Variants in KMT2C observed in about 807,000 individuals in gnomAD.
KMT2C encodes the protein histone-lysine N-methyltransferase 2C.
In KMT2C, 88 loss-of-function variants were observed where a neutral mutation model predicts 507.9. That is an observed-to-expected ratio of 0.17 (90% CI 0.15 to 0.21). The LOEUF (loss-of-function observed/expected upper bound fraction) is 0.21, where lower values mean the gene tolerates loss of function less well. Ranked by LOEUF, KMT2C falls within the 10% of genes least tolerant of loss-of-function variation. KMT2C has a pLI of 1.00. For missense variants in KMT2C, 4,954 were observed against 5,957.8 expected, an observed-to-expected ratio of 0.83 and a Z score of 5.55; for synonymous variants, 2,049 against 2,080.8, an observed-to-expected ratio of 0.98 and a Z score of 0.42.
intron 6 of KMT2C, among the ~76,000 whole-genome samples, chr7:152,279,799 T>C (rs10275430): frequency 0.042 from 6,458 of 152,176 alleles, 458 homozygotes; most frequent in African/African-American, 0.15. Context: ...TCCTCCCTGC[T>C]GCCACAGTAA....
rs1253385546 is a variant in KMT2C at position 152,185,606 on chromosome 7, A to C, written c.5034T>G (p.Ile1678Met). 1 of 1,613,550 alleles carries C rather than the reference A, an allele frequency of 6.2e-7. No individual in the cohort carries two copies. The highest frequency in any genetic ancestry group is 2.2e-5 in the East Asian group (1 of 44,834). The change falls in exon 34 of 59, where the codon ATT (isoleucine) becomes ATG (methionine). Residue 1678 changes from isoleucine to methionine, a missense_variant. Around this residue, in one of 29 missense-constraint regions of KMT2C, gnomAD observed 24 missense variants for 52.9 expected, o/e 0.45. Coordinates refer to ENST00000262189, the MANE Select transcript of KMT2C (RefSeq NM_170606.3). ...FPDWTTRVKQ[I>M]AKLWRKASSQ... ...AGCTTGCTTTTCTCCACAATTTGGC[A>C]ATTTGCTTCACTCTAGTAGTCCAAT... is the stretch of plus-strand genomic sequence containing the variant.
chr7:152,220,256 G>A (rs1479065742), intron 23 of KMT2C: 6 of 446,114 alleles, frequency 1.3e-5, no homozygotes, highest in Non-Finnish European at 2.0e-5. Context: ...CAAGCCCTCT[G>A]TAGTTCCCCA....
At chr7:152,189,072 C>G (rs13245135) in intron 31 of KMT2C, among the ~76,000 whole-genome samples, 2 of 152,090 alleles carry the variant, frequency 1.3e-5, no homozygotes, top group Non-Finnish European at 2.9e-5. Context: ...AATTCTCATT[C>G]GAGCTTATTC....
chr7:152,258,523 T>C (rs1422607880), intron 9 of KMT2C, among the ~76,000 whole-genome samples: 4 of 151,716 alleles, frequency 2.6e-5, no homozygotes, highest in African/African-American at 9.7e-5. Flanking sequence ...GTTGTTGCTG[T>C]TGTTGTTGTT....
chr7:152,188,594 A>G (rs927345254), intron 31 of KMT2C, among the ~76,000 whole-genome samples: 14 of 138,416 alleles, frequency 1.0e-4, no homozygotes, highest in African/African-American at 3.8e-4. Flanking sequence ...AAAAAAATCT[A>G]TGATTCTTTC....
chr7:152,334,059 G>A (rs769513328), intron 2 of KMT2C, among the ~76,000 whole-genome samples: 2 of 151,860 alleles, frequency 1.3e-5, no homozygotes, highest in African/African-American at 2.4e-5. Context: ...TCACAGATGA[G>A]AGAAAATAAA....
chr7:152,287,027 C>T (rs2096311306), intron 6 of KMT2C, among the ~76,000 whole-genome samples: 1 of 152,194 alleles, frequency 6.6e-6, no homozygotes, highest in Non-Finnish European at 1.5e-5. Flanking sequence ...CATAGTCAGC[C>T]ATTCCCCACT....
At position 152,187,765 on chromosome 7, in the gene KMT2C, G is replaced by T. The variant is rs148583689; in HGVS notation, c.4743C>A (p.Ser1581Arg). 6.2e-7 allele frequency: 1 copy of T among 1,613,992 alleles called. No homozygotes were observed. ...CAATTGCAGAGAAAGTTCCCAGTCC[G>T]CTTCCAGGTGGCAAAGAATTATGTG... ...HLPHNSLPPGSGLGTFSAIAQ... is the reference protein window; with the variant it reads ...HLPHNSLPPGRGLGTFSAIAQ... The change falls in exon 32 of 59, where the codon AGC becomes AGA. Residue 1581 changes from serine to arginine, a missense_variant. By Grantham distance (110) the Ser-to-Arg change is moderately radical (BLOSUM62 -1). Around this residue, in one of 29 missense-constraint regions of KMT2C, gnomAD observed 195 missense variants for 183.7 expected, o/e 1.06. Coordinates refer to ENST00000262189, the MANE Select transcript of KMT2C (RefSeq NM_170606.3).
chr7:152,422,431 G>A (rs116734431), intron 1 of KMT2C, among the ~76,000 whole-genome samples: 1,795 of 151,948 alleles, frequency 0.012, 41 homozygotes, highest in African/African-American at 0.042. Flanking sequence ...CTCCAGCCAC[G>A]CGACAGAGCA....
At chr7:152,359,467 T>G (rs1205066666) in intron 1 of KMT2C, among the ~76,000 whole-genome samples, 1 of 152,120 alleles carries the variant, frequency 6.6e-6, no homozygotes, top group Non-Finnish European at 1.5e-5. Flanking sequence ...TCGCAGTATT[T>G]TAAACTCTTT....
chr7:152,389,745 C>T (rs1002039840), intron 1 of KMT2C, among the ~76,000 whole-genome samples: 3 of 151,952 alleles, frequency 2.0e-5, no homozygotes, highest in Non-Finnish European at 4.4e-5. Flanking sequence ...TCGGCCTACA[C>T]GAACTTTTTT....
At chr7:152,286,674 G>A (rs2096302481) in intron 6 of KMT2C, among the ~76,000 whole-genome samples, 1 of 152,084 alleles carries the variant, frequency 6.6e-6, no homozygotes, top group Admixed American at 6.5e-5. Context: ...AAAACCCTTA[G>A]CCGTGATACA....
At chr7:152,364,249 T>A (rs1178412712) in intron 1 of KMT2C, among the ~76,000 whole-genome samples, 1 of 152,062 alleles carries the variant, frequency 6.6e-6, no homozygotes, top group Non-Finnish European at 1.5e-5. Context: ...AACATGAATA[T>A]GAGAGAAACA....
In KMT2C at chr7:152,140,801, C is replaced by T. The variant is rs146018388; in HGVS notation, c.14344-1010G>A. 4.6e-5 allele frequency among the ~76,000 whole-genome samples: 7 copies of T among 152,304 alleles called. No homozygotes were observed. In the East Asian group the frequency reaches 1.3e-3, roughly 29 times the overall value. ...CATGTGAGAGACTTTAGTATGTGAA[C>T]TGATTTATCCTCTGAACAAGCATCT... On this transcript the variant is annotated intron_variant, in intron 55 of 58. Transcript: ENST00000262189.
chr7:152,394,215 TGA>T (rs1323015718), intron 1 of KMT2C, among the ~76,000 whole-genome samples: 2 of 152,326 alleles, frequency 1.3e-5, no homozygotes, highest in African/African-American at 4.8e-5. Flanking sequence ...GCAGCCAGCA[TGA>T]GAGTTTTAGA....
At chr7:152,202,135 G>A (rs1029677938) in intron 26 of KMT2C, among the ~76,000 whole-genome samples, 1 of 152,174 alleles carries the variant, frequency 6.6e-6, no homozygotes, top group Non-Finnish European at 1.5e-5. Flanking sequence ...AGTTTCTTAG[G>A]AGGAACAGAT....
At chr7:152,267,126 G>A (rs1395211482) in intron 7 of KMT2C, among the ~76,000 whole-genome samples, 1 of 152,214 alleles carries the variant, frequency 6.6e-6, no homozygotes, top group Non-Finnish European at 1.5e-5. Context: ...AAATGCTGGA[G>A]TTTCTTAGGA....
rs2129117963 is a variant in KMT2C, at chr7:152,179,881, G to C, written c.7395C>G (p.Pro2465=). 3 of 1,614,072 alleles carry C rather than the reference G, an allele frequency of 1.9e-6. No individual in the cohort carries two copies. The highest frequency in any genetic ancestry group is 1.1e-5 in the South Asian group (1 of 91,078). The stretch of plus-strand genomic sequence containing the variant: ...CCATACTAGCAACATCAGGAGGATA[G>C]GGTCCACGCTGATCTTTTGGGAAAA... ...YAVFPKDQRG[P]YPPDVASMGM... The change falls in exon 37 of 59, where the codon CCC becomes CCG. Residue 2465 remains proline, a synonymous_variant. Transcript: ENST00000262189.
intron 26 of KMT2C, among the ~76,000 whole-genome samples, chr7:152,200,987 T>A (rs28482265): frequency 6.6e-6 from 1 of 152,134 alleles, no homozygotes; most frequent in Admixed American, 6.5e-5. Context: ...TCATTTCTTA[T>A]AATAAGCAAT....
Sources: allele counts gnomAD v4.1 joint callset (sites outside exome capture counted in the v4.1 genomes callset), GRCh38; gene constraint gnomAD v4.1.1; regional missense constraint gnomAD v4.1.1; transcripts MANE v1.5; gene names NCBI Gene and HGNC (gene_info 2026-07-23, HGNC 2026-07-21).